HTR2A: variants seen among roughly 807,000 people sequenced by gnomAD.
The protein encoded by HTR2A is 5-HT2 receptor.
Under a neutral mutation model 31.0 loss-of-function variants are expected in HTR2A, and 14 were observed. The observed-to-expected ratio is 0.45, with a 90% CI of 0.30 to 0.71. The LOEUF is 0.71. Among genes scored for constraint, HTR2A ranks in the 30% least tolerant of loss-of-function variants. HTR2A has a pLI of 0.09. For synonymous variants in HTR2A, 209 were observed against 225.2 expected, an observed-to-expected ratio of 0.93 and a Z score of 0.64; for missense variants, 442 against 573.3, an observed-to-expected ratio of 0.77 and a Z score of 2.34.
At chr13:46,881,633 A>G (rs1459303090) in intron 3 of HTR2A, among the ~76,000 whole-genome samples, 1 of 152,210 alleles carries the variant, frequency 6.6e-6, no homozygotes. Context: ...GATCTCCCAG[A>G]AGTGGAAGTG....
rs1430176576 is a variant in HTR2A at position 46,833,633 on chromosome 13, T to G, written c.*1204A>C. 1 of 152,208 alleles carries G rather than the reference T, an allele frequency of 6.6e-6. No homozygotes were observed. The highest frequency in any genetic ancestry group is 1.5e-5 in the Non-Finnish European group (1 of 68,052). 9.4% of individuals were successfully genotyped at this position (152,208 alleles called of 1,614,324 possible). ...CTCCCATCTCAGCCTCCCAAAGTGC[T>G]AGGATTACATGCACGAGCCTCCGTG... On this transcript the variant is annotated 3_prime_UTR_variant, in exon 4 of 4. Coordinates refer to ENST00000542664, the MANE Select transcript of HTR2A (RefSeq NM_000621.5).
chr13:46,834,778 T>C lies in HTR2A; in HGVS notation c.*59A>G. On this transcript the variant is annotated 3_prime_UTR_variant, in exon 4 of 4. Coordinates refer to ENST00000542664, the MANE Select transcript of HTR2A (RefSeq NM_000621.5). ...TTTTCCAATCTCATATTTTTTTTTT[T>C]CCAGATAGGTGAAAACTTGCTCAGT... 2.9e-6 allele frequency: 4 copies of C among 1,394,652 alleles called. 1 individual carries two copies. The highest frequency in any genetic ancestry group is 2.8e-5 in the South Asian group (2 of 71,692). 86.4% of individuals were successfully genotyped at this position (1,394,652 alleles called of 1,614,324 possible).
intron 3 of HTR2A, among the ~76,000 whole-genome samples, chr13:46,846,937 T>C (rs541370343): frequency 6.6e-6 from 1 of 152,360 alleles, no homozygotes; most frequent in South Asian, 2.1e-4. Context: ...ATGCAAGCCC[T>C]GGAAACCTGA....
intron 3 of HTR2A, among the ~76,000 whole-genome samples, chr13:46,857,568 C>T (rs1368984046): frequency 2.6e-5 from 4 of 152,164 alleles, no homozygotes; most frequent in Non-Finnish European, 4.4e-5. Context: ...TTGATGATTA[C>T]ATTTCTACCT....
chr13:46,867,470 G>A (rs1317424710), intron 3 of HTR2A, among the ~76,000 whole-genome samples: 1 of 152,204 alleles, frequency 6.6e-6, no homozygotes, highest in African/African-American at 2.4e-5. Flanking sequence ...AATATTATGA[G>A]ATAGCTTGGT....
rs1876267275 is a variant in HTR2A at position 46,832,124 on chromosome 13, G to C, written c.*2713C>G. ...TTGTTTTCGCCATCCTCATAGACTTGTCTTAAAGTTCTTCCACAAAATTAG... is the reference window on the plus strand; with the variant it reads ...TTGTTTTCGCCATCCTCATAGACTTCTCTTAAAGTTCTTCCACAAAATTAG... On this transcript the variant is annotated 3_prime_UTR_variant, in exon 4 of 4. Coordinates refer to ENST00000542664, the MANE Select transcript of HTR2A (RefSeq NM_000621.5). The C allele has an allele frequency of 6.6e-6, 1 of 152,176 alleles. No homozygotes were observed. The highest frequency in any genetic ancestry group is 2.1e-4 in the South Asian group (1 of 4,834). 9.4% of individuals were successfully genotyped at this position (152,176 alleles called of 1,614,324 possible). A position where few individuals can be genotyped will look rare whatever the true frequency, so the allele number is the denominator to read the frequency against.
At position 46,832,563 on chromosome 13, in the gene HTR2A, C is replaced by T. The variant is rs1169032905; in HGVS notation, c.*2274G>A. ...TTTCCCTAATATATAATGAAATGTG[C>T]AGAGTTACAAGTGAAGGCAAAATAC... On this transcript the variant is annotated 3_prime_UTR_variant, in exon 4 of 4. Coordinates refer to ENST00000542664, the MANE Select transcript of HTR2A (RefSeq NM_000621.5). 6.6e-6 allele frequency: 1 copy of T among 152,116 alleles called. No homozygotes were observed. 9.4% of individuals were successfully genotyped at this position (152,116 alleles called of 1,614,324 possible).
intron 3 of HTR2A, among the ~76,000 whole-genome samples, chr13:46,861,303 C>T (rs1950776758): frequency 6.6e-6 from 1 of 151,666 alleles, no homozygotes; most frequent in African/African-American, 2.4e-5. Context: ...TTTTTTTTTC[C>T]TAAAAATTCA....
At chr13:46,875,987 C>G (rs1275299345) in intron 3 of HTR2A, among the ~76,000 whole-genome samples, 1 of 152,150 alleles carries the variant, frequency 6.6e-6, no homozygotes, top group Non-Finnish European at 1.5e-5. Flanking sequence ...AGAAGACATT[C>G]TGATTTTAGA....
chr13:46,861,792 C>T (rs1453946550), intron 3 of HTR2A, among the ~76,000 whole-genome samples: 3 of 152,184 alleles, frequency 2.0e-5, no homozygotes, highest in African/African-American at 7.2e-5. Flanking sequence ...TCATTTTTAC[C>T]TATCTTACAA....
upstream of HTR2A, among the ~76,000 whole-genome samples, chr13:46,897,968 T>C (rs186631846): frequency 1.5e-3 from 223 of 152,290 alleles, 1 homozygote; most frequent in African/African-American, 4.8e-3. Flanking sequence ...GCTTGCATGA[T>C]GGAATCACCA....
rs1951102165 is a variant in HTR2A at position 46,896,085 on chromosome 13, G to A, written c.-179C>T. 3 of 1,344,518 alleles carry A rather than the reference G, an allele frequency of 2.2e-6. No homozygotes were observed. Among genetic ancestry groups the A allele is most frequent in the South Asian group, 4.7e-5 (2 of 42,874 alleles). 83.3% of individuals were successfully genotyped at this position (1,344,518 alleles called of 1,614,324 possible). On this transcript the variant is annotated 5_prime_UTR_variant, in exon 2 of 4. Coordinates refer to ENST00000542664, the MANE Select transcript of HTR2A (RefSeq NM_000621.5). ...AATGATAGTTAAAGAACTGAACTGT[G>A]GTGGCTGTAAGTTTTCTTCATTCAC...
chr13:46,851,335 C>T (rs375904936), intron 3 of HTR2A, among the ~76,000 whole-genome samples: 5 of 152,056 alleles, frequency 3.3e-5, no homozygotes, highest in African/African-American at 4.8e-5. Flanking sequence ...TAAGAAAATG[C>T]AGGAAAAAGA....
chr13:46,856,934 G>A (rs908538344), intron 3 of HTR2A, among the ~76,000 whole-genome samples: 2 of 152,150 alleles, frequency 1.3e-5, no homozygotes, highest in Non-Finnish European at 2.9e-5. Context: ...AGGTGCTGGG[G>A]GGAGCCCTAG....
chr13:46,841,871 C>G (rs1487176130), intron 3 of HTR2A, among the ~76,000 whole-genome samples: 1 of 152,140 alleles, frequency 6.6e-6, no homozygotes, highest in Non-Finnish European at 1.5e-5. Flanking sequence ...TGACTTTCAT[C>G]TACCATTTCA....
intron 3 of HTR2A, among the ~76,000 whole-genome samples, chr13:46,840,092 G>C (rs1379839945): frequency 6.6e-6 from 1 of 152,118 alleles, no homozygotes; most frequent in African/African-American, 2.4e-5. Context: ...TGAAATTTGG[G>C]TTCATAGGTT....
In HTR2A at chr13:46,834,353, T is replaced by C. The variant is rs1281190998; in HGVS notation, c.*484A>G. On this transcript the variant is annotated 3_prime_UTR_variant, in exon 4 of 4. Transcript: ENST00000542664. ...AACACTGACCTTAGTGGCTTTTTTT[T>C]TCTCCTTTCAAAATATATACCATAG... 1 of 153,164 alleles carries C rather than the reference T, an allele frequency of 6.5e-6. No individual in the cohort carries two copies. Among genetic ancestry groups the C allele is most frequent in the East Asian group, 1.9e-4 (1 of 5,200 alleles). 9.5% of individuals were successfully genotyped at this position (153,164 alleles called of 1,614,324 possible). A position where few individuals can be genotyped will look rare whatever the true frequency, so the allele number is the denominator to read the frequency against.
intron 3 of HTR2A, among the ~76,000 whole-genome samples, chr13:46,884,056 T>G (rs1950987184): frequency 6.6e-6 from 1 of 152,194 alleles, no homozygotes; most frequent in South Asian, 2.1e-4. Context: ...CCTTGCTAAC[T>G]TTGAAAGTTG....
chr13:46,883,036 A>G (rs1950978507), intron 3 of HTR2A, among the ~76,000 whole-genome samples: 1 of 152,254 alleles, frequency 6.6e-6, no homozygotes, highest in African/African-American at 2.4e-5. Flanking sequence ...GTGTGGCTCC[A>G]GACATTTTGC....
Sources: gnomAD v4.1 joint callset for allele counts (sites outside exome capture counted in the v4.1 genomes callset) on GRCh38, gnomAD v4.1.1 for gene constraint, MANE v1.5 for transcripts, NCBI Gene and HGNC (gene_info 2026-07-23, HGNC 2026-07-21) for gene names.